Variants in CYYR1 observed in about 807,000 individuals in gnomAD.
The protein encoded by CYYR1 is cysteine and tyrosine rich 1.
A neutral mutation model predicts 15.2 loss-of-function variants in CYYR1; 14 were observed. The ratio of observed to expected loss-of-function variants is 0.92; its 90% CI spans 0.61 to 1.44. The LOEUF (loss-of-function observed/expected upper bound fraction) is 1.44. Ranked by LOEUF, CYYR1 falls within the 40% of genes most tolerant of loss-of-function variation. The probability of loss-of-function intolerance (pLI) is 0.00; values close to 1 mark genes in which losing one functional copy is unlikely to be tolerated. For missense variants in CYYR1, 228 were observed against 209.5 expected (o/e 1.09, Z -0.54); for synonymous variants, 80 against 77.4 (o/e 1.03, Z -0.18).
intron 2 of CYYR1, among the ~76,000 whole-genome samples, chr21:26,545,639 C>A (rs1458267905): frequency 8.0e-6 from 1 of 125,072 alleles, no homozygotes; most frequent in East Asian, 2.7e-4. Context: ...GCGATCTCGG[C>A]TCACTGCAAG....
rs1981129445 is a variant in CYYR1 at position 26,573,155 on chromosome 21, C to T, written c.-215G>A. 20 of 1,487,642 alleles carry T rather than the reference C, an allele frequency of 1.3e-5. No homozygotes were observed. Among genetic ancestry groups the T allele is most frequent in the Non-Finnish European group, 1.8e-5 (20 of 1,122,548 alleles). The allele number at this position is 1,487,642 out of a possible 1,614,324, so 92.2% of individuals were successfully genotyped here. ...TCCGCGGAGCTGGGGCGCCCGTGGC[C>T]CGAGACGGGCTGCGCTGGGGGCCCA... is the stretch of plus-strand genomic sequence containing the variant. On this transcript the variant is annotated 5_prime_UTR_variant, in exon 1 of 4. Transcript: ENST00000652641.
At chr21:26,474,642 T>C (rs1253845994) in intron 3 of CYYR1, among the ~76,000 whole-genome samples, 1 of 152,158 alleles carries the variant, frequency 6.6e-6, no homozygotes, top group Non-Finnish European at 1.5e-5. Flanking sequence ...CTTATCGTTC[T>C]TGTGATTTCA....
chr21:26,495,139 A>C (rs1043862741), intron 2 of CYYR1, among the ~76,000 whole-genome samples: 2 of 152,204 alleles, frequency 1.3e-5, no homozygotes, highest in African/African-American at 4.8e-5. Context: ...CACATAACTT[A>C]TGTTGCCTAT....
rs2064992286 is a variant in CYYR1, at chr21:26,468,306, C to T, written c.*195G>A. 3.3e-6 allele frequency: 2 copies of T among 608,912 alleles called. No individual in the cohort carries two copies. Among genetic ancestry groups the T allele is most frequent in the East Asian group, 5.7e-5 (2 of 34,824 alleles). 37.7% of individuals were successfully genotyped at this position (608,912 alleles called of 1,614,324 possible). ...TAAAATGTGGTTCCATAGAACCAAA[C>T]ATTAATACTCCAGATGGGGTCAGCT... On this transcript the variant is annotated 3_prime_UTR_variant, in exon 4 of 4. Coordinates refer to ENST00000652641, the MANE Select transcript of CYYR1 (RefSeq NM_001320768.2).
chr21:26,542,876 G>C (rs1323771952), intron 2 of CYYR1, among the ~76,000 whole-genome samples: 1 of 152,138 alleles, frequency 6.6e-6, no homozygotes, highest in African/African-American at 2.4e-5. Flanking sequence ...CCATGTATTA[G>C]GGTGTTAAGA....
intron 2 of CYYR1, among the ~76,000 whole-genome samples, chr21:26,548,735 T>G (rs1979162081): frequency 6.6e-6 from 1 of 152,224 alleles, no homozygotes; most frequent in Non-Finnish European, 1.5e-5. Context: ...ATGTAGATTT[T>G]CTACCCTAAT....
intron 2 of CYYR1, among the ~76,000 whole-genome samples, chr21:26,544,601 A>G (rs1475867930): frequency 6.6e-6 from 1 of 152,194 alleles, no homozygotes; most frequent in East Asian, 1.9e-4. Context: ...GCCCATCTCT[A>G]ATGATGCTTT....
intron 2 of CYYR1, among the ~76,000 whole-genome samples, chr21:26,507,396 T>C (rs919891770): frequency 6.6e-6 from 1 of 152,192 alleles, no homozygotes; most frequent in African/African-American, 2.4e-5. Flanking sequence ...TTTAAAACAT[T>C]AGATGTCTTT....
chr21:26,541,322 TAGATAAAAACAAA>T (rs2123647584), intron 2 of CYYR1, among the ~76,000 whole-genome samples: 1 of 152,042 alleles, frequency 6.6e-6, no homozygotes, highest in Non-Finnish European at 1.5e-5. Flanking sequence ...CACAATTCGA[TAGATAAAAACAAA>T]AGATAAAGAG....
At chr21:26,540,311 AGTAGC>A (rs1978456512) in intron 2 of CYYR1, among the ~76,000 whole-genome samples, 2 of 152,222 alleles carry the variant, frequency 1.3e-5, no homozygotes, top group South Asian at 4.1e-4. Context: ...AATGGAACTG[AGTAGC>A]GTTCCATTGA....
chr21:26,501,320 A>T (rs1201833961), intron 2 of CYYR1, among the ~76,000 whole-genome samples: 1 of 152,210 alleles, frequency 6.6e-6, no homozygotes, highest in African/African-American at 2.4e-5. Context: ...CTGGTGACAG[A>T]GTGAGACTTC....
At chr21:26,572,749 G>T in intron 1 of CYYR1, 119 bp downstream of exon 1, 1 of 1,236,774 alleles carries the variant, frequency 8.1e-7, no homozygotes, top group Non-Finnish European at 1.1e-6. Flanking sequence ...AGGCAGAAGC[G>T]TCTGCAAAGG....
chr21:26,469,180 T>A (rs2065004425), intron 3 of CYYR1, among the ~76,000 whole-genome samples: 1 of 152,162 alleles, frequency 6.6e-6, no homozygotes, highest in African/African-American at 2.4e-5. Flanking sequence ...AAGGGACTCA[T>A]GACAGTGAGG....
intron 2 of CYYR1, among the ~76,000 whole-genome samples, chr21:26,553,604 A>C (rs1305113797): frequency 6.6e-6 from 1 of 152,122 alleles, no homozygotes; most frequent in Non-Finnish European, 1.5e-5. Flanking sequence ...ATTTATGGCT[A>C]GTTGGGCAGT....
intron 2 of CYYR1, among the ~76,000 whole-genome samples, chr21:26,495,062 C>G (rs1417730675): frequency 6.6e-6 from 1 of 152,118 alleles, no homozygotes; most frequent in Non-Finnish European, 1.5e-5. Flanking sequence ...GTTTTTCTAC[C>G]AGAGGAGCAG....
At chr21:26,517,416 CTTAT>C (rs1036351849) in intron 2 of CYYR1, among the ~76,000 whole-genome samples, 6 of 152,072 alleles carry the variant, frequency 3.9e-5, no homozygotes, top group Non-Finnish European at 8.8e-5. Flanking sequence ...AGCAGAAAAA[CTTAT>C]TTGTCTATCT....
In CYYR1 at chr21:26,490,987, C is replaced by T. The variant is rs568734890; in HGVS notation, c.177-10558G>A. ...CTCTAAGACCTGATGACTGATCCAA[C>T]GGGGGAGTGAGTGAAAGGCAAGAGT... On this transcript the variant is annotated intron_variant, in intron 2 of 3. Transcript: ENST00000652641. Among the ~76,000 whole-genome samples, 8 of 152,218 alleles carry T rather than the reference C, an allele frequency of 5.3e-5. 1 individual carries two copies. The South Asian group carries it at 1.0e-3, about 20-fold the overall frequency.
chr21:26,573,223 C>G lies in CYYR1; in HGVS notation c.-283G>C. On this transcript the variant is annotated 5_prime_UTR_variant, in exon 1 of 4. Transcript: ENST00000652641. ...CCACTGCGCTCAGGCGCGGGGAAGG[C>G]GGCCACTCCGGCGTCCTTGGCCACC... 1.4e-6 allele frequency: 2 copies of G among 1,408,844 alleles called. No individual in the cohort carries two copies. The highest frequency in any genetic ancestry group is 2.5e-5 in the South Asian group (2 of 81,452). The allele number at this position is 1,408,844 out of a possible 1,614,324, so 87.3% of individuals were successfully genotyped here. A position where few individuals can be genotyped will look rare whatever the true frequency, so the allele number is the denominator to read the frequency against.
chr21:26,479,814 T>C (rs1362055359), intron 3 of CYYR1, among the ~76,000 whole-genome samples: 1 of 152,138 alleles, frequency 6.6e-6, no homozygotes, highest in Non-Finnish European at 1.5e-5. Context: ...GCCTGGCCTG[T>C]TGAGAATTTT....
Sources: allele counts gnomAD v4.1 joint callset (sites outside exome capture counted in the v4.1 genomes callset), GRCh38; gene constraint gnomAD v4.1.1; transcripts MANE v1.5; gene names NCBI Gene and HGNC (gene_info 2026-07-23, HGNC 2026-07-21).